Variants in TBC1D5 observed in about 807,000 individuals in gnomAD.
TBC1D5 encodes the protein TBC1 domain family, member 5.
A neutral mutation model predicts 100.3 loss-of-function variants in TBC1D5; 75 were observed. That is an observed-to-expected ratio of 0.75 (90% CI 0.62 to 0.91). The LOEUF is 0.91. TBC1D5 is among the 40% of genes least tolerant of loss of function. TBC1D5 has a pLI of 0.00. For missense variants in TBC1D5, 910 were observed against 942.4 expected (o/e 0.97, Z 0.45); for synonymous variants, 323 against 325.6 (o/e 0.99, Z 0.09).
chr3:17,211,258 A>G (rs938183822), intron 18 of TBC1D5, among the ~76,000 whole-genome samples: 2 of 152,236 alleles, frequency 1.3e-5, no homozygotes, highest in African/African-American at 4.8e-5. Context: ...TAGGGTGAGT[A>G]TATTTATAGC....
chr3:17,265,955 T>TA (rs2078804841), intron 15 of TBC1D5, among the ~76,000 whole-genome samples: 2 of 151,864 alleles, frequency 1.3e-5, no homozygotes, highest in Admixed American at 1.3e-4. Context: ...GGTAATTATC[T>TA]AAAAAAGATA....
intron 16 of TBC1D5, among the ~76,000 whole-genome samples, chr3:17,253,821 AC>A (rs1264079306): frequency 1.3e-5 from 2 of 152,082 alleles, no homozygotes; most frequent in African/African-American, 4.8e-5. Context: ...AGTATGCTTA[AC>A]CCTTGAACAA....
chr3:17,322,025 T>A (rs560550465), intron 13 of TBC1D5, among the ~76,000 whole-genome samples: 1 of 152,346 alleles, frequency 6.6e-6, no homozygotes, highest in Non-Finnish European at 1.5e-5. Context: ...TACTATTGCA[T>A]TCCTATGTAT....
chr3:17,470,906 G>A (rs1159153839), intron 3 of TBC1D5, among the ~76,000 whole-genome samples: 4 of 152,134 alleles, frequency 2.6e-5, no homozygotes, highest in Admixed American at 6.5e-5. Flanking sequence ...GGACGACAGA[G>A]TGATAATCCA....
chr3:17,593,454 T>A (rs759181963), intron 2 of TBC1D5, among the ~76,000 whole-genome samples: 1 of 152,174 alleles, frequency 6.6e-6, no homozygotes, highest in South Asian at 2.1e-4. Context: ...GCCCTCGATA[T>A]GGCACCATTT....
intron 1 of TBC1D5, among the ~76,000 whole-genome samples, chr3:17,688,828 A>G (rs984181891): frequency 5.9e-5 from 9 of 152,092 alleles, no homozygotes; most frequent in African/African-American, 1.9e-4. Context: ...TCCACTTTCT[A>G]TATTTCTCAG....
chr3:17,629,153 T>C (rs1160122410), intron 1 of TBC1D5, among the ~76,000 whole-genome samples: 1 of 152,218 alleles, frequency 6.6e-6, no homozygotes, highest in Non-Finnish European at 1.5e-5. Flanking sequence ...TTGGTCTTTT[T>C]TTTAGGCTGT....
At chr3:17,442,597 T>C (rs1406802087) in intron 3 of TBC1D5, among the ~76,000 whole-genome samples, 1 of 152,214 alleles carries the variant, frequency 6.6e-6, no homozygotes, top group Non-Finnish European at 1.5e-5. Context: ...ACACAAATCC[T>C]GAGCTCACTC....
intron 21 of TBC1D5, among the ~76,000 whole-genome samples, chr3:17,162,024 AACTT>A (rs61250164): frequency 0.13 from 19,249 of 152,156 alleles, 1,590 homozygotes; most frequent in African/African-American, 0.23. Flanking sequence ...TTTATTTTTT[AACTT>A]ACTTAATAAA....
chr3:17,597,319 T>C (rs1003105014), intron 2 of TBC1D5, among the ~76,000 whole-genome samples: 7 of 151,986 alleles, frequency 4.6e-5, no homozygotes, highest in African/African-American at 1.7e-4. Context: ...TTATATGGAG[T>C]ATCTCATTTA....
intron 2 of TBC1D5, among the ~76,000 whole-genome samples, chr3:17,600,197 C>A (rs1473309977): frequency 1.4e-5 from 2 of 145,990 alleles, no homozygotes; most frequent in African/African-American, 5.3e-5. Flanking sequence ...AAGTTGTGAT[C>A]TCTATGATTC....
intron 1 of TBC1D5, among the ~76,000 whole-genome samples, chr3:17,649,140 T>G (rs1010234676): frequency 2.2e-4 from 34 of 152,160 alleles, no homozygotes; most frequent in African/African-American, 7.5e-4. Flanking sequence ...TGGAATACTA[T>G]GCAGCCATAA....
At chr3:17,730,810 G>A (rs558745150) in intron 1 of TBC1D5, among the ~76,000 whole-genome samples, 4 of 152,130 alleles carry the variant, frequency 2.6e-5, no homozygotes, top group East Asian at 1.9e-4. Context: ...TAACAAGCAC[G>A]CCACCAGAAG....
At chr3:17,225,633 C>G (rs1331590896) in intron 17 of TBC1D5, among the ~76,000 whole-genome samples, 1 of 152,018 alleles carries the variant, frequency 6.6e-6, no homozygotes, top group Non-Finnish European at 1.5e-5. Flanking sequence ...GAGAACCAAA[C>G]TGTGAGACAG....
At chr3:17,680,710 T>C (rs1191585570) in intron 1 of TBC1D5, among the ~76,000 whole-genome samples, 1 of 151,422 alleles carries the variant, frequency 6.6e-6, no homozygotes, top group Admixed American at 6.6e-5. Flanking sequence ...AGTACTAAGA[T>C]GGTCAATACT....
intron 3 of TBC1D5, among the ~76,000 whole-genome samples, chr3:17,505,277 C>T (rs1411771381): frequency 6.6e-6 from 1 of 152,002 alleles, no homozygotes; most frequent in East Asian, 1.9e-4. Context: ...CAAGTGAGTT[C>T]TCAGTTCACT....
intron 1 of TBC1D5, among the ~76,000 whole-genome samples, chr3:17,641,558 A>G (rs1449232227): frequency 6.6e-6 from 1 of 152,136 alleles, no homozygotes; most frequent in Non-Finnish European, 1.5e-5. Flanking sequence ...TAACACTTAG[A>G]GCTTATTCAC....
intron 13 of TBC1D5, among the ~76,000 whole-genome samples, chr3:17,317,132 G>C (rs2084793792): frequency 6.6e-6 from 1 of 151,990 alleles, no homozygotes; most frequent in Non-Finnish European, 1.5e-5. Flanking sequence ...GCAAACTAAT[G>C]GCAACATTAG....
intron 3 of TBC1D5, among the ~76,000 whole-genome samples, chr3:17,470,523 G>A (rs1204292709): frequency 6.6e-6 from 1 of 152,206 alleles, no homozygotes; most frequent in African/African-American, 2.4e-5. Flanking sequence ...CTATATTGGT[G>A]TTATAAAGAG....
Sources: allele counts gnomAD v4.1 joint callset (sites outside exome capture counted in the v4.1 genomes callset), GRCh38; gene constraint gnomAD v4.1.1; transcripts MANE v1.5; gene names NCBI Gene and HGNC (gene_info 2026-07-23, HGNC 2026-07-21).